CHCHD6: variants seen among roughly 807,000 people sequenced by gnomAD.
CHCHD6 encodes coiled-coil-helix-coiled-coil-helix domain containing 6.
CHCHD6 carries 28 observed loss-of-function variants against 32.3 expected under a neutral mutation model. The ratio of observed to expected loss-of-function variants is 0.87; its 90% CI spans 0.64 to 1.19. The LOEUF (loss-of-function observed/expected upper bound fraction) is 1.19. CHCHD6 is among the 50% of genes most tolerant of loss of function. CHCHD6 has a pLI of 0.00. For synonymous variants in CHCHD6, 122 were observed against 117.5 expected (o/e 1.04, Z -0.25); for missense variants, 333 against 307.0 (o/e 1.08, Z -0.63).
chr3:126,846,286 C>G (rs1327360859), intron 4 of CHCHD6, among the ~76,000 whole-genome samples: 1 of 152,148 alleles, frequency 6.6e-6, no homozygotes, highest in Non-Finnish European at 1.5e-5. Flanking sequence ...TTGTCAAAAA[C>G]AAGCAGAGGC....
chr3:126,771,559 G>T (rs1261614687), intron 4 of CHCHD6, among the ~76,000 whole-genome samples: 1 of 152,062 alleles, frequency 6.6e-6, no homozygotes, highest in East Asian at 1.9e-4. Context: ...CTAACTAGTG[G>T]TCTATCTTAT....
Position 126,824,560 on chromosome 3 carries a change from C to CAAAAAAAAAAAAAAAAA in CHCHD6, c.412-28082_412-28066dup, listed in dbSNP as rs71150454. 8.6e-3 allele frequency among the ~76,000 whole-genome samples: 343 copies of CAAAAAAAAAAAAAAAAA among 39,988 alleles called. 87 individuals carry two copies. Among genetic ancestry groups the CAAAAAAAAAAAAAAAAA allele is most frequent in the African/African-American group, 0.045 (304 of 6,798 alleles). The allele number at this position is 39,988 out of a possible 152,430, so 26.2% of individuals were successfully genotyped here. ...TAGGTGATAGAGCAAGACTCTGTCT[C>CAAAAAAAAAAAAAAAAA]AAAAAAAAAAAAAAAAAAAAAGTCA... On this transcript the variant is annotated intron_variant, in intron 4 of 7. Transcript: ENST00000290913.
Position 126,704,257 on chromosome 3 carries a change from G to A in CHCHD6, c.-56G>A. On this transcript the variant is annotated 5_prime_UTR_variant, in exon 1 of 8. Transcript: ENST00000290913. ...AGTCCTGGAAAGCGTTGTTGGCCCG[G>A]TTGCTCTGGAGCCGGGTCTCGGGTC... is the stretch of plus-strand genomic sequence containing the variant. 1 of 1,441,298 alleles carries A rather than the reference G, an allele frequency of 6.9e-7. No homozygotes were observed. The highest frequency in any genetic ancestry group is 9.6e-7 in the Non-Finnish European group (1 of 1,037,212). 89.3% of individuals were successfully genotyped at this position (1,441,298 alleles called of 1,614,324 possible).
chr3:126,821,240 T>C (rs1940135374), intron 4 of CHCHD6, among the ~76,000 whole-genome samples: 1 of 152,220 alleles, frequency 6.6e-6, no homozygotes, highest in African/African-American at 2.4e-5. Context: ...CGATGGACAT[T>C]TGGGTTGTTT....
chr3:126,730,552 C>A lies in CHCHD6; in HGVS notation c.197-9C>A, dbSNP rs1377447052. On this transcript the variant is annotated splice_polypyrimidine_tract_variant and intron_variant, in intron 2 of 7. Transcript: ENST00000290913. ...CACTGACAGGCCCTTTCTTCTCTTTCCTTTGCAGAATCCACACTGCCCAGG... is the reference window on the plus strand; with the variant it reads ...CACTGACAGGCCCTTTCTTCTCTTTACTTTGCAGAATCCACACTGCCCAGG... 3.1e-6 allele frequency: 5 copies of A among 1,612,870 alleles called. No homozygotes were observed. Among genetic ancestry groups the A allele is most frequent in the South Asian group, 2.2e-5 (2 of 90,936 alleles).
intron 5 of CHCHD6, among the ~76,000 whole-genome samples, chr3:126,883,294 A>G (rs1415580372): frequency 6.6e-6 from 1 of 152,106 alleles, no homozygotes; most frequent in Non-Finnish European, 1.5e-5. Context: ...CCCAACTCGA[A>G]GCCGATTGGT....
At chr3:126,915,877 A>G (rs1161912067) in intron 6 of CHCHD6, among the ~76,000 whole-genome samples, 6 of 151,656 alleles carry the variant, frequency 4.0e-5, no homozygotes, top group African/African-American at 1.5e-4. Context: ...TGCAGCCTTG[A>G]CCTCCTGGGC....
Position 126,857,897 on chromosome 3 carries a change from A to G in CHCHD6, c.495+5167A>G, listed in dbSNP as rs568765421. ...CCACTGTGGAAGATCGATAGCCAGC[A>G]TCTTTTAAAGCTGAACATGGGTATG... On this transcript the variant is annotated intron_variant, in intron 5 of 7. Coordinates refer to ENST00000290913, the MANE Select transcript of CHCHD6 (RefSeq NM_032343.3). 4.6e-5 allele frequency among the ~76,000 whole-genome samples: 7 copies of G among 152,354 alleles called. No homozygotes were observed. In the South Asian group the frequency reaches 1.4e-3, roughly 32 times the overall value.
intron 4 of CHCHD6, among the ~76,000 whole-genome samples, chr3:126,790,694 C>T (rs1017045313): frequency 1.3e-5 from 2 of 152,178 alleles, no homozygotes; most frequent in Non-Finnish European, 2.9e-5. Flanking sequence ...AAGGCCTTCT[C>T]TACATTGGTT....
intron 4 of CHCHD6, among the ~76,000 whole-genome samples, chr3:126,796,599 C>T (rs1289458658): frequency 1.3e-5 from 2 of 152,088 alleles, no homozygotes; most frequent in African/African-American, 4.8e-5. Context: ...ACAGTGGCTC[C>T]CAAGGCTGTA....
At chr3:126,862,440 C>T (rs1468642097) in intron 5 of CHCHD6, among the ~76,000 whole-genome samples, 7 of 134,434 alleles carry the variant, frequency 5.2e-5, no homozygotes, top group South Asian at 2.8e-4. Context: ...CCTCCTCCTC[C>T]ACCATCACCA....
intron 4 of CHCHD6, among the ~76,000 whole-genome samples, chr3:126,797,398 T>A (rs1361798884): frequency 6.6e-6 from 1 of 152,172 alleles, no homozygotes; most frequent in African/African-American, 2.4e-5. Context: ...GTCATTTTCC[T>A]AAAAATACTG....
chr3:126,811,131 A>AG lies in CHCHD6; in HGVS notation c.412-41516_412-41515insG, dbSNP rs1459533227. 4.6e-5 allele frequency among the ~76,000 whole-genome samples: 7 copies of AG among 152,156 alleles called. No homozygotes were observed. The East Asian group carries it at 1.3e-3, about 29-fold the overall frequency. On this transcript the variant is annotated intron_variant, in intron 4 of 7. Coordinates refer to ENST00000290913, the MANE Select transcript of CHCHD6 (RefSeq NM_032343.3). ...TTTTTACTGCTTGATTTTTGTTCCT[A>AG]ATTTTAGTTCTTTGTGTGGCTTATT...
intron 4 of CHCHD6, among the ~76,000 whole-genome samples, chr3:126,784,337 C>T (rs908260633): frequency 1.3e-5 from 2 of 152,190 alleles, no homozygotes; most frequent in Admixed American, 1.3e-4. Flanking sequence ...ATTCTGAAAA[C>T]TTCCCTGTTC....
intron 4 of CHCHD6, among the ~76,000 whole-genome samples, chr3:126,844,680 C>T (rs975320974): frequency 2.0e-5 from 3 of 152,136 alleles, no homozygotes; most frequent in African/African-American, 7.2e-5. Flanking sequence ...ATAATGGCCC[C>T]CCAAAGATTT....
chr3:126,768,806 G>A (rs1013504644), intron 4 of CHCHD6, among the ~76,000 whole-genome samples: 1 of 152,048 alleles, frequency 6.6e-6, no homozygotes, highest in African/African-American at 2.4e-5. Context: ...TTTGCATTTC[G>A]TTAATGGTTA....
At chr3:126,792,761 T>C (rs1319871508) in intron 4 of CHCHD6, among the ~76,000 whole-genome samples, 1 of 152,236 alleles carries the variant, frequency 6.6e-6, no homozygotes, top group African/African-American at 2.4e-5. Flanking sequence ...GATTCAATTT[T>C]TTATGGTTGT....
At chr3:126,801,518 C>T (rs141265745) in intron 4 of CHCHD6, among the ~76,000 whole-genome samples, 1,670 of 152,332 alleles carry the variant, frequency 0.011, 26 homozygotes, top group African/African-American at 0.038. Context: ...GAGGGGCACC[C>T]GACATTGCCC....
chr3:126,920,869 T>C (rs1201754070), intron 6 of CHCHD6, among the ~76,000 whole-genome samples: 2 of 152,180 alleles, frequency 1.3e-5, no homozygotes, highest in Non-Finnish European at 1.5e-5. Flanking sequence ...AATACTCACC[T>C]CTCCACGGTT....
Sources: allele counts gnomAD v4.1 joint callset (sites outside exome capture counted in the v4.1 genomes callset), GRCh38; gene constraint gnomAD v4.1.1; transcripts MANE v1.5; gene names NCBI Gene and HGNC (gene_info 2026-07-23, HGNC 2026-07-21).